RASL12: variants seen among roughly 807,000 people sequenced by gnomAD.
The protein encoded by RASL12 is ras-like protein family member 12.
In RASL12, 16 loss-of-function variants were observed where a neutral mutation model predicts 22.9. That is an observed-to-expected ratio of 0.70 (90% CI 0.47 to 1.06). The LOEUF is 1.06. Among genes scored for constraint, RASL12 ranks in the 50% least tolerant of loss-of-function variants. The pLI, the probability that RASL12 is intolerant of heterozygous loss-of-function variation, is 0.00. For missense variants in RASL12, 306 were observed against 353.1 expected (o/e 0.87, Z 1.07); for synonymous variants, 159 against 152.2 (o/e 1.04, Z -0.33).
chr15:65,075,032 G>A (rs1036764535), intron 1 of RASL12, among the ~76,000 whole-genome samples: 6 of 152,214 alleles, frequency 3.9e-5, no homozygotes, highest in East Asian at 1.9e-4. Flanking sequence ...AGGGAGAGGC[G>A]CGAGCGGGAA....
chr15:65,049,962 G>T (rs1311724554), downstream of RASL12: 1 of 1,492,004 alleles, frequency 6.7e-7, no homozygotes, highest in Non-Finnish European at 9.1e-7. Flanking sequence ...CTGGGGCTAA[G>T]GGGTCTAAGG....
chr15:65,052,881 C>A (rs74981303), downstream of RASL12: 1 of 1,306,702 alleles, frequency 7.7e-7, no homozygotes, highest in East Asian at 2.3e-5. Flanking sequence ...GAATTTTCCC[C>A]TTAGACTCTT....
chr15:65,054,657 G>A lies in RASL12; in HGVS notation c.*242C>T. Reference sequence around the variant, plus strand: ...CCCAGGTCTCTGGGTTGTCACAGTGGCTGTTTCCCTCTACGGCCACAGACG... The same window carrying A: ...CCCAGGTCTCTGGGTTGTCACAGTGACTGTTTCCCTCTACGGCCACAGACG... On this transcript the variant is annotated 3_prime_UTR_variant, in exon 5 of 5. Coordinates refer to ENST00000220062, the MANE Select transcript of RASL12 (RefSeq NM_016563.4). 1 of 1,371,664 alleles carries A rather than the reference G, an allele frequency of 7.3e-7. No homozygotes were observed. Among genetic ancestry groups the A allele is most frequent in the South Asian group, 1.9e-5 (1 of 52,848 alleles). The allele number at this position is 1,371,664 out of a possible 1,614,324, so 85.0% of individuals were successfully genotyped here. A position where few individuals can be genotyped will look rare whatever the true frequency, so the allele number is the denominator to read the frequency against.
In RASL12 at chr15:65,059,192, C is replaced by T. The variant is rs147342340; in HGVS notation, c.234+153G>A. On this transcript the variant is annotated intron_variant, in intron 3 of 4. Coordinates refer to ENST00000220062, the MANE Select transcript of RASL12 (RefSeq NM_016563.4). ...CATTTGGCAAAGGAAGGATTCAGAC[C>T]CAGAGAGGTCAAGTGCCTCATTCAG... is the stretch of plus-strand genomic sequence containing the variant. 3.4e-3 allele frequency among the ~76,000 whole-genome samples: 514 copies of T among 152,326 alleles called. 4 individuals carry two copies. The highest frequency in any genetic ancestry group is 0.01 in the Middle Eastern group (3 of 294).
At chr15:65,050,833 C>CTTTTTTTTTTTTTTTTTTTTTTTTTTTTT (rs67418433), downstream of RASL12, among the ~76,000 whole-genome samples, 6 of 88,600 alleles carry the variant, frequency 6.8e-5, no homozygotes, top group East Asian at 3.8e-4. Context: ...TCTTCTTCTT[C>CTTTTTTTTTTTTTTTTTTTTTTTTTTTTT]TTCTTTTTTT....
chr15:65,045,953 G>A, the RASL12 span, among the ~76,000 whole-genome samples: 84 of 152,292 alleles, frequency 5.5e-4, no homozygotes, highest in Non-Finnish European at 1.0e-3. Context: ...ATCACCTGAG[G>A]TCAGGAGTTC....
At chr15:65,064,190 G>A (rs2086848709) in intron 2 of RASL12, among the ~76,000 whole-genome samples, 1 of 152,252 alleles carries the variant, frequency 6.6e-6, no homozygotes, top group Non-Finnish European at 1.5e-5. Flanking sequence ...GAATCCATTT[G>A]AGGAGGAAGG....
In RASL12 at chr15:65,053,552, T is replaced by C; in HGVS notation, c.*1347A>G. ...TTCACAGCCCCCCTCTGACCTCAGC[T>C]CCTCCATTTACAGAATGAGTCCGAA... On this transcript the variant is annotated 3_prime_UTR_variant, in exon 5 of 5. Coordinates refer to ENST00000220062, the MANE Select transcript of RASL12 (RefSeq NM_016563.4). 1 of 1,014,634 alleles carries C rather than the reference T, an allele frequency of 9.9e-7. No individual in the cohort carries two copies. The highest frequency in any genetic ancestry group is 1.7e-5 in the African/African-American group (1 of 57,726). 62.9% of individuals were successfully genotyped at this position (1,014,634 alleles called of 1,614,324 possible).
chr15:65,052,512 T>C (rs1371693203), downstream of RASL12, among the ~76,000 whole-genome samples: 1 of 150,428 alleles, frequency 6.6e-6, no homozygotes, highest in Non-Finnish European at 1.5e-5. Flanking sequence ...GTGATTCTCC[T>C]GCTTCAGCCT....
intron 4 of RASL12, 94 bp from the exon 5 acceptor site, chr15:65,055,368 G>A: frequency 1.8e-6 from 2 of 1,128,090 alleles, no homozygotes; most frequent in Non-Finnish European, 1.2e-6. Context: ...TGGACTAGCT[G>A]GGTGGCCTGG....
At chr15:65,051,369 G>C (rs1049964349), downstream of RASL12, 2 of 693,804 alleles carry the variant, frequency 2.9e-6, no homozygotes, top group African/African-American at 1.8e-5. Context: ...GAGTGCCCCA[G>C]GGCAAGGGGC....
At chr15:65,051,986 A>C (rs759646293), downstream of RASL12, among the ~76,000 whole-genome samples, 2 of 152,146 alleles carry the variant, frequency 1.3e-5, no homozygotes, top group African/African-American at 4.8e-5. Context: ...CCCAGTCAGA[A>C]TCTCTAGGCA....
In RASL12 at chr15:65,053,813, A is replaced by G. The variant is rs754550466; in HGVS notation, c.*1086T>C. ...CCTTGGACAGCCTTTTCTTGCTAAC[A>G]GTGGGATCTCAAAGGTGTGTCCTGA... is the stretch of plus-strand genomic sequence containing the variant. On this transcript the variant is annotated 3_prime_UTR_variant, in exon 5 of 5. Transcript: ENST00000220062. The G allele has an allele frequency of 1.0e-6, 1 of 986,102 alleles. No homozygotes were observed. The highest frequency in any genetic ancestry group is 1.2e-6 in the Non-Finnish European group (1 of 830,164). 61.1% of individuals were successfully genotyped at this position (986,102 alleles called of 1,614,324 possible).
At chr15:65,056,453 C>T (rs1206726892) in intron 4 of RASL12, among the ~76,000 whole-genome samples, 1 of 152,168 alleles carries the variant, frequency 6.6e-6, no homozygotes, top group Admixed American at 6.5e-5. Flanking sequence ...TGCCAGTAAG[C>T]TCACCGCTTC....
intron 4 of RASL12, among the ~76,000 whole-genome samples, chr15:65,057,018 G>C (rs1011802406): frequency 6.6e-6 from 1 of 152,164 alleles, no homozygotes; most frequent in African/African-American, 2.4e-5. Context: ...ACCCCTAAGA[G>C]GGTCTGCAAT....
upstream of RASL12, among the ~76,000 whole-genome samples, chr15:65,072,142 G>A (rs1054311481): frequency 1.3e-5 from 2 of 152,160 alleles, no homozygotes; most frequent in Non-Finnish European, 1.5e-5. Flanking sequence ...GCCAATATCT[G>A]GCCTTGGGGA....
intron 1 of RASL12, among the ~76,000 whole-genome samples, chr15:65,075,646 A>C (rs1485961793): frequency 6.6e-6 from 1 of 152,010 alleles, no homozygotes; most frequent in African/African-American, 2.4e-5. Flanking sequence ...CTCTGTATCT[A>C]GCTGCTCTGG....
chr15:65,050,249 C>A, downstream of RASL12: 1 of 653,394 alleles, frequency 1.5e-6, no homozygotes, highest in Non-Finnish European at 2.7e-6. Flanking sequence ...GTCTCAGTAC[C>A]CAGAGGGGTC....
chr15:65,067,190 G>A (rs2086887419), intron 1 of RASL12, among the ~76,000 whole-genome samples: 1 of 152,128 alleles, frequency 6.6e-6, no homozygotes, highest in South Asian at 2.1e-4. Context: ...CCTTCTACGG[G>A]GAGGGGGTGT....
Sources: allele counts gnomAD v4.1 joint callset (sites outside exome capture counted in the v4.1 genomes callset), GRCh38; gene constraint gnomAD v4.1.1; transcripts MANE v1.5; gene names NCBI Gene and HGNC (gene_info 2026-07-23, HGNC 2026-07-21).